The following PUS3 variants were observed in gnomAD, a reference collection of about 807,000 sequenced individuals.
PUS3 encodes the protein tRNA pseudouridine(38/39) synthase.
In PUS3, 36 loss-of-function variants were observed where a neutral mutation model predicts 43.3. The ratio of observed to expected loss-of-function variants is 0.83; its 90% CI spans 0.64 to 1.10. PUS3 has a LOEUF of 1.10. Ranked by LOEUF, PUS3 falls within the 50% of genes least tolerant of loss-of-function variation. PUS3 has a pLI of 0.00. For missense variants in PUS3, 544 were observed against 589.9 expected (o/e 0.92, Z 0.81); for synonymous variants, 183 against 199.2 (o/e 0.92, Z 0.69).
Position 125,894,137 on chromosome 11 carries a change from A to T in PUS3, c.1094T>A (p.Met365Lys). 1.2e-6 allele frequency: 2 copies of T among 1,614,144 alleles called. No individual in the cohort carries two copies. The highest frequency in any genetic ancestry group is 1.7e-6 in the Non-Finnish European group (2 of 1,180,014). Residue 365 changes from methionine (M) to lysine (K), a missense_variant, in exon 4 of 4, where the codon ATG becomes AAG. By Grantham distance (95) the Met-to-Lys change is moderately conservative. Transcript: ENST00000227474. ...HAVKTHMLYS[M>K]LQGLDTVPVP... is the part of the protein sequence containing the mutation. ...TGGAACAGTGTCCAGTCCTTGTAGC[A>T]TACTATACAACATGTGAGTTTTGAC...
rs773759423 is a variant in PUS3 at position 125,896,301 on chromosome 11, G to T, written c.-17C>A. ...ATAAGCCATGATATGACAACCCCAGGAATAAACGAACCATACAGGTCTGCC... is the reference window on the plus strand; with the variant it reads ...ATAAGCCATGATATGACAACCCCAGTAATAAACGAACCATACAGGTCTGCC... On this transcript the variant is annotated 5_prime_UTR_variant, in exon 2 of 4. Coordinates refer to ENST00000227474, the MANE Select transcript of PUS3 (RefSeq NM_031307.4). 1 of 1,587,886 alleles carries T rather than the reference G, an allele frequency of 6.3e-7. No homozygotes were observed. The highest frequency in any genetic ancestry group is 8.6e-7 in the Non-Finnish European group (1 of 1,158,522).
intron 3 of PUS3, among the ~76,000 whole-genome samples, chr11:125,894,527 A>G (rs1373067461): frequency 1.3e-5 from 2 of 152,232 alleles, no homozygotes; most frequent in Non-Finnish European, 2.9e-5. Flanking sequence ...AGTGCTAACA[A>G]GACATGGCTC....
chr11:125,895,458 AAATT>A lies in PUS3; in HGVS notation c.706_709del (p.Asn236PhefsTer12), dbSNP rs1565453194. 2 of 1,614,156 alleles carry A rather than the reference AAATT, an allele frequency of 1.2e-6. No individual in the cohort carries two copies. The highest frequency in any genetic ancestry group is 1.7e-6 in the Non-Finnish European group (2 of 1,180,010). On this transcript the variant is annotated frameshift_variant, in exon 3 of 4. Transcript: ENST00000227474. LOFTEE classifies it high-confidence loss of function. ...TTGAGCAGATAGAATAGTCCTCTGA[AAATT>A]AATCACACCGTTGGCTACATCCATT...
chr11:125,895,472 G>A lies in PUS3; in HGVS notation c.696C>T (p.Asn232=), dbSNP rs140780584. The change falls in exon 3 of 4, where the codon AAC becomes AAT. Residue 232 remains asparagine (N), a synonymous_variant. Coordinates refer to ENST00000227474, the MANE Select transcript of PUS3 (RefSeq NM_031307.4). ...TAGTCCTCTGAAAATTAATCACACCGTTGGCTACATCCATTTTACACAAGT... is the reference window on the plus strand; with the variant it reads ...TAGTCCTCTGAAAATTAATCACACCATTGGCTACATCCATTTTACACAAGT... ...FRNLCKMDVA[N]GVINFQRTIL... The A allele has an allele frequency of 2.7e-5, 44 of 1,613,994 alleles. No homozygotes were observed. Among genetic ancestry groups the A allele is most frequent in the South Asian group, 4.4e-5 (4 of 91,088 alleles).
rs202176811 is a variant in PUS3, at chr11:125,896,221, C to T, written c.64G>A (p.Glu22Lys). 51 of 1,614,094 alleles carry T rather than the reference C, an allele frequency of 3.2e-5. No individual in the cohort carries two copies. In the Middle Eastern group the frequency reaches 5.0e-4, roughly 16 times the overall value. ...EKLLKRVREL[E>K]QEVQRLKKEQ... is the part of the protein sequence containing the mutation. ...TTTTTAAGTCTTTGCACCTCTTGCT[C>T]CAGTTCTCGTACTCTTTTTAGGAGC... is the stretch of plus-strand genomic sequence containing the variant. Residue 22 changes from glutamate (E) to lysine (K), a missense_variant, in exon 2 of 4, where the codon GAG (glutamate) becomes AAG (lysine). Transcript: ENST00000227474.
chr11:125,899,708 AT>A, intron 1 of PUS3: 1 of 1,614,206 alleles, frequency 6.2e-7, no homozygotes, highest in South Asian at 1.1e-5. Flanking sequence ...AGATGAGTCG[AT>A]TATCAGTGAA....
intron 3 of PUS3, among the ~76,000 whole-genome samples, chr11:125,894,610 A>G (rs1011964931): frequency 3.3e-5 from 5 of 152,360 alleles, no homozygotes; most frequent in Non-Finnish European, 5.9e-5. Flanking sequence ...AATTTTGTAT[A>G]GTATGAGTAA....
chr11:125,895,437 G>A lies in PUS3; in HGVS notation c.731C>T (p.Ala244Val). ...VINFQRTILS[A>V]QVQLVGQSPG... Reference sequence around the variant, plus strand: ...GCTCTGGCCCACTAGCTGTACTTGAGCAGATAGAATAGTCCTCTGAAAATT... The same window carrying A: ...GCTCTGGCCCACTAGCTGTACTTGAACAGATAGAATAGTCCTCTGAAAATT... Residue 244 changes from alanine to valine, a missense_variant, in exon 3 of 4, where the codon GCT becomes GTT. Coordinates refer to ENST00000227474, the MANE Select transcript of PUS3 (RefSeq NM_031307.4). 1 of 1,614,064 alleles carries A rather than the reference G, an allele frequency of 6.2e-7. No individual in the cohort carries two copies. Among genetic ancestry groups the A allele is most frequent in the Non-Finnish European group, 8.5e-7 (1 of 1,179,988 alleles).
chr11:125,901,111 C>T (rs767754807), intron 1 of PUS3, among the ~76,000 whole-genome samples: 6 of 149,808 alleles, frequency 4.0e-5, no homozygotes, highest in African/African-American at 1.5e-4. Context: ...TAAAGGTGTA[C>T]AACAAATCCA....
chr11:125,900,995 C>A (rs1353245399), intron 1 of PUS3, among the ~76,000 whole-genome samples: 1 of 106,496 alleles, frequency 9.4e-6, no homozygotes. Flanking sequence ...TGGGCGACAG[C>A]GAGACTCCGT....
In PUS3 at chr11:125,895,375, A is replaced by G. The variant is rs949560274; in HGVS notation, c.793T>C (p.Cys265Arg). Residue 265 changes from cysteine (C) to arginine (R), a missense_variant, in exon 3 of 4, where the codon TGT (cysteine) becomes CGT (arginine). By Grantham distance (180) the Cys-to-Arg change is radical. Transcript: ENST00000227474. ...GCCTGGCCAGTCACTTCAAACTGAC[A>G]TAACTGGAAAGGTTCTTGCCATCTC... is the stretch of plus-strand genomic sequence containing the variant. Reference protein sequence around the residue: ...EGRWQEPFQLCQFEVTGQAFL... With the variant: ...EGRWQEPFQLRQFEVTGQAFL... 2 of 1,614,096 alleles carry G rather than the reference A, an allele frequency of 1.2e-6. No homozygotes were observed. Among genetic ancestry groups the G allele is most frequent in the Non-Finnish European group, 1.7e-6 (2 of 1,180,036 alleles).
In PUS3 at chr11:125,895,352, C is replaced by T. The variant is rs2134244024; in HGVS notation, c.816G>A (p.Gln272=). The stretch of plus-strand genomic sequence containing the variant: ...ATCGGACTTGATGATAAAGGAATGC[C>T]TGGCCAGTCACTTCAAACTGACATA... The part of the protein sequence containing the change: ...FQLCQFEVTG[Q]AFLYHQVRCM... The change falls in exon 3 of 4, where the codon CAG becomes CAA. Residue 272 remains glutamine, a synonymous_variant. Transcript: ENST00000227474. 1 of 1,614,188 alleles carries T rather than the reference C, an allele frequency of 6.2e-7. No homozygotes were observed. Among genetic ancestry groups the T allele is most frequent in the African/African-American group, 1.3e-5 (1 of 75,052 alleles).
At position 125,894,352 on chromosome 11, in the gene PUS3, A is replaced by G. The variant is rs959504359; in HGVS notation, c.945-66T>C. The G allele has an allele frequency of 2.1e-5, 29 of 1,389,944 alleles. No homozygotes were observed. The Admixed American group carries it at 5.9e-4, about 28-fold the overall frequency. 86.1% of individuals were successfully genotyped at this position (1,389,944 alleles called of 1,614,324 possible). A position where few individuals can be genotyped will look rare whatever the true frequency, so the allele number is the denominator to read the frequency against. On this transcript the variant is annotated intron_variant, in intron 3 of 3. Transcript: ENST00000227474. ...TCCATCTAACAGTTCTTTAAAAACT[A>G]AGGGTTAGTTGCGTTAAGGGAGCCG...
At chr11:125,894,418 G>A (rs1944513163) in intron 3 of PUS3, 132 bp from the exon 4 acceptor site, 2 of 666,490 alleles carry the variant, frequency 3.0e-6, no homozygotes, top group Non-Finnish European at 5.1e-6. Flanking sequence ...CCTAATAGCT[G>A]AGAAAATATC....
chr11:125,893,715 ATTT>A lies in PUS3; in HGVS notation c.*67_*69del, dbSNP rs35423925. ...CTGAATTCCTAGTACTTGCAAGTAA[ATTT>A]TTTTTTTTTTCCTTTTCTGTCCACC... is the stretch of plus-strand genomic sequence containing the variant. On this transcript the variant is annotated 3_prime_UTR_variant, in exon 4 of 4. Coordinates refer to ENST00000227474, the MANE Select transcript of PUS3 (RefSeq NM_031307.4). 34 of 1,042,080 alleles carry A rather than the reference ATTT, an allele frequency of 3.3e-5. No individual in the cohort carries two copies. The South Asian group carries it at 6.0e-4, about 18-fold the overall frequency. The allele number at this position is 1,042,080 out of a possible 1,614,324, so 64.6% of individuals were successfully genotyped here. A position where few individuals can be genotyped will look rare whatever the true frequency, so the allele number is the denominator to read the frequency against.
chr11:125,900,569 A>G (rs1944741515), intron 1 of PUS3: 1 of 388,400 alleles, frequency 2.6e-6, no homozygotes, highest in Non-Finnish European at 5.0e-6. Context: ...ACCTATCAAT[A>G]TGAGTTGCTG....
chr11:125,894,386 G>A (rs182665361), intron 3 of PUS3, 100 bp from the exon 4 acceptor site: 42 of 908,714 alleles, frequency 4.6e-5, no homozygotes, highest in African/African-American at 1.3e-4. Context: ...CGGGTAGGGC[G>A]CCACCATTGA....
chr11:125,894,247 C>CT lies in PUS3; in HGVS notation c.983dup (p.Phe329ValfsTer2). ...CATAGATCCACTTGACATTTTCAAA[C>CT]TTACAGTCATATAAGACTAGAGGAA... On this transcript the variant is annotated frameshift_variant, in exon 4 of 4. Transcript: ENST00000227474. LOFTEE classifies it high-confidence loss of function. The CT allele has an allele frequency of 6.2e-7, 1 of 1,612,786 alleles. No homozygotes were observed. The highest frequency in any genetic ancestry group is 8.5e-7 in the Non-Finnish European group (1 of 1,178,964).
In PUS3 at chr11:125,895,618, A is replaced by G. The variant is rs1944558655; in HGVS notation, c.550T>C (p.Phe184Leu). 1 of 1,614,270 alleles carries G rather than the reference A, an allele frequency of 6.2e-7. No individual in the cohort carries two copies. The highest frequency in any genetic ancestry group is 8.5e-7 in the Non-Finnish European group (1 of 1,180,044). The change falls in exon 3 of 4, where the codon TTC (phenylalanine) becomes CTC (leucine). Residue 184 changes from phenylalanine to leucine, a missense_variant. By Grantham distance (22) the Phe-to-Leu change is conservative (BLOSUM62 0). Coordinates refer to ENST00000227474, the MANE Select transcript of PUS3 (RefSeq NM_031307.4). ...TCAAGGCAGCTGAACCTAGCACTGA[A>G]GCTTGGTTCTACAGGGGCCCAGGCC... ...ILAWAPVEPS[F>L]SARFSCLERT...
Sources: allele counts gnomAD v4.1 joint callset (sites outside exome capture counted in the v4.1 genomes callset), GRCh38; gene constraint gnomAD v4.1.1; transcripts MANE v1.5; gene names NCBI Gene and HGNC (gene_info 2026-07-23, HGNC 2026-07-21).